The following NALF1 variants were observed in gnomAD, a reference collection of about 807,000 sequenced individuals.
The protein encoded by NALF1 is family with sequence similarity 155 member A.
Under a neutral mutation model 48.4 loss-of-function variants are expected in NALF1, and 3 were observed. That is an observed-to-expected ratio of 0.06 (90% CI 0.03 to 0.16). NALF1 has a LOEUF of 0.16. NALF1 is among the 10% of genes least tolerant of loss of function. NALF1 has a pLI of 1.00. For missense variants in NALF1, 526 were observed against 571.5 expected, an observed-to-expected ratio of 0.92 and a Z score of 0.81; for synonymous variants, 262 against 245.7, an observed-to-expected ratio of 1.07 and a Z score of -0.62.
rs2138655217 is a variant in NALF1, at chr13:107,866,694, C to T, written c.-98G>A. 1.0e-6 allele frequency: 1 copy of T among 965,364 alleles called. No individual in the cohort carries two copies. Among genetic ancestry groups the T allele is most frequent in the South Asian group, 1.6e-5 (1 of 63,660 alleles). 59.8% of individuals were successfully genotyped at this position (965,364 alleles called of 1,614,324 possible). A position where few individuals can be genotyped will look rare whatever the true frequency, so the allele number is the denominator to read the frequency against. ...GACTTAAAGGGTTTAATTTCCTTAT[C>T]CCCTCCTCCCGTTTCTTCTCTCTCC... On this transcript the variant is annotated 5_prime_UTR_variant, in exon 1 of 3. Transcript: ENST00000375915. The surrounding 1 kb of genome is among the most constrained non-coding windows in gnomAD (Gnocchi z 4.4).
intron 1 of NALF1, among the ~76,000 whole-genome samples, chr13:107,219,926 T>C (rs1879955306): frequency 6.6e-6 from 1 of 152,242 alleles, no homozygotes; most frequent in Non-Finnish European, 1.5e-5. Context: ...TACTTTTACA[T>C]AGCTGTGCAC....
chr13:107,535,166 C>T (rs1033052357), intron 1 of NALF1, among the ~76,000 whole-genome samples: 6 of 152,056 alleles, frequency 3.9e-5, no homozygotes, highest in Non-Finnish European at 8.8e-5. Context: ...ATTGAATACC[C>T]TTTATATCTT....
intron 1 of NALF1, among the ~76,000 whole-genome samples, chr13:107,339,527 G>T (rs1025317893): frequency 6.6e-6 from 1 of 152,190 alleles, no homozygotes; most frequent in Admixed American, 6.5e-5. Flanking sequence ...CTAGTTCGTA[G>T]ACCACTCTCA....
intron 1 of NALF1, among the ~76,000 whole-genome samples, chr13:107,386,500 C>A (rs543587159): frequency 1.3e-5 from 2 of 152,296 alleles, no homozygotes; most frequent in South Asian, 4.1e-4. Flanking sequence ...TGAGCTGCCA[C>A]CTGTTCTGGG....
At chr13:107,645,302 T>A (rs1217266307) in intron 1 of NALF1, among the ~76,000 whole-genome samples, 1 of 152,140 alleles carries the variant, frequency 6.6e-6, no homozygotes, top group Admixed American at 6.6e-5. Flanking sequence ...GATATAGAAG[T>A]ATCAAAGTGT....
chr13:107,833,788 T>C (rs1372394146), intron 1 of NALF1, among the ~76,000 whole-genome samples: 1 of 152,206 alleles, frequency 6.6e-6, no homozygotes. Context: ...TATTATTCCA[T>C]AACATCCTTT....
intron 1 of NALF1, among the ~76,000 whole-genome samples, chr13:107,840,027 G>T (rs1253698452): frequency 6.6e-6 from 1 of 152,124 alleles, no homozygotes; most frequent in East Asian, 1.9e-4. Context: ...CATACCCTAA[G>T]ATCTAAATAT....
At chr13:107,408,913 G>C (rs1298321408) in intron 1 of NALF1, among the ~76,000 whole-genome samples, 1 of 152,086 alleles carries the variant, frequency 6.6e-6, no homozygotes, top group Non-Finnish European at 1.5e-5. Context: ...TCTAAATCCT[G>C]TTCATATTAA....
At chr13:107,380,412 AC>A (rs1320017208) in intron 1 of NALF1, among the ~76,000 whole-genome samples, 1 of 152,182 alleles carries the variant, frequency 6.6e-6, no homozygotes, top group African/African-American at 2.4e-5. Flanking sequence ...AAGAAGTATG[AC>A]TTGAACGCTT....
At chr13:107,469,070 A>T (rs1885054075) in intron 1 of NALF1, among the ~76,000 whole-genome samples, 1 of 152,090 alleles carries the variant, frequency 6.6e-6, no homozygotes, top group Non-Finnish European at 1.5e-5. Flanking sequence ...CGATATACTC[A>T]CTTTTCTAAA....
intron 1 of NALF1, among the ~76,000 whole-genome samples, chr13:107,845,337 T>C (rs897139499): frequency 2.6e-5 from 4 of 152,164 alleles, no homozygotes; most frequent in African/African-American, 9.7e-5. Context: ...CCATTTACAC[T>C]TCCTGAAACA....
chr13:107,680,948 A>ACTGT (rs886672431), intron 1 of NALF1, among the ~76,000 whole-genome samples: 156 of 129,974 alleles, frequency 1.2e-3, no homozygotes, highest in African/African-American at 4.0e-3. Flanking sequence ...TGAGTGTAAC[A>ACTGT]GTGTGTGTGT....
chr13:107,373,736 CTTT>C (rs966089454), intron 1 of NALF1, among the ~76,000 whole-genome samples: 1 of 152,096 alleles, frequency 6.6e-6, no homozygotes, highest in African/African-American at 2.4e-5. Context: ...TCTTTCTTTC[CTTT>C]TTGTTTTCGT....
At chr13:107,807,819 T>C (rs1056198685) in intron 1 of NALF1, among the ~76,000 whole-genome samples, 4 of 152,160 alleles carry the variant, frequency 2.6e-5, no homozygotes, top group Non-Finnish European at 4.4e-5. Context: ...AGTCTAGATA[T>C]ATACCCCATG....
At chr13:107,191,833 A>ATTTTTTTTTTTTTTTTTTTT in intron 2 of NALF1, among the ~76,000 whole-genome samples, 1 of 112,224 alleles carries the variant, frequency 8.9e-6, no homozygotes, top group African/African-American at 3.5e-5. Flanking sequence ...CACTATGCCT[A>ATTTTTTTTTTTTTTTTTTTT]TTTTTTTTTT....
intron 1 of NALF1, among the ~76,000 whole-genome samples, chr13:107,562,225 C>T (rs539583731): frequency 9.2e-5 from 14 of 152,322 alleles, no homozygotes; most frequent in African/African-American, 3.1e-4. Context: ...TTCCTGCATG[C>T]TGGCATGCAT....
At chr13:107,725,887 C>T (rs1557093) in intron 1 of NALF1, among the ~76,000 whole-genome samples, 132,231 of 152,104 alleles carry the variant, frequency 0.87, 57,701 homozygotes, top group East Asian at 0.92. Context: ...TTCATATTGC[C>T]GAGTATCCCA....
intron 1 of NALF1, among the ~76,000 whole-genome samples, chr13:107,426,811 G>C (rs1303594956): frequency 6.6e-6 from 1 of 151,888 alleles, no homozygotes; most frequent in African/African-American, 2.4e-5. Flanking sequence ...TTTATTCATA[G>C]TAGCATACTG....
chr13:107,387,305 G>C (rs1883546804), intron 1 of NALF1, among the ~76,000 whole-genome samples: 1 of 152,160 alleles, frequency 6.6e-6, no homozygotes, highest in South Asian at 2.1e-4. Context: ...CCACAGGTGG[G>C]ATAACATCTG....
Sources: allele counts gnomAD v4.1 joint callset (sites outside exome capture counted in the v4.1 genomes callset), GRCh38; gene constraint gnomAD v4.1.1; non-coding constraint Gnocchi (gnomAD v3.1); transcripts MANE v1.5; gene names NCBI Gene and HGNC (gene_info 2026-07-23, HGNC 2026-07-21).